Variants in BCL11B observed in about 807,000 individuals in gnomAD.
The protein encoded by BCL11B is BCL11 transcription factor B.
In BCL11B, 8 loss-of-function variants were observed where a neutral mutation model predicts 49.9. That is an observed-to-expected ratio of 0.16 (90% confidence interval 0.09 to 0.29). BCL11B has a LOEUF of 0.29. BCL11B is among the 10% of genes least tolerant of loss of function. The probability of loss-of-function intolerance (pLI) is 1.00; values close to 1 mark genes in which losing one functional copy is unlikely to be tolerated. For synonymous variants in BCL11B, 739 were observed against 637.4 expected (o/e 1.16, Z -2.40); for missense variants, 1,006 against 1,351.0 (o/e 0.74, Z 4.00).
At chr14:99,267,625 C>T (rs1267986649) in intron 1 of BCL11B, among the ~76,000 whole-genome samples, 1 of 150,694 alleles carries the variant, frequency 6.6e-6, no homozygotes, top group East Asian at 1.9e-4. Flanking sequence ...TTCTGAAAGA[C>T]ATGTGGACCA....
In BCL11B at chr14:99,241,968, GCTGTGTT is replaced by G. The variant is rs1888683035; in HGVS notation, c.428-10418_428-10412del. ...GCCAAGCGTAAACATGATTTATTTA[GCTGTGTT>G]TAACGTGTCTGTCCTCCACTCGACT... On this transcript the variant is annotated intron_variant, in intron 2 of 3. Transcript: ENST00000357195. This position sits in a 1 kb window ranked among gnomAD's most constrained non-coding sequence, Gnocchi z 4.4. Among the ~76,000 whole-genome samples the G allele has an allele frequency of 6.6e-6, 1 of 152,146 alleles. No homozygotes were observed. The highest frequency in any genetic ancestry group is 1.5e-5 in the Non-Finnish European group (1 of 68,032).
rs1195530918 is a variant in BCL11B, at chr14:99,175,983, C to A, written c.853G>T (p.Asp285Tyr). 6.6e-7 allele frequency: 1 copy of A among 1,508,018 alleles called. No homozygotes were observed. The allele number at this position is 1,508,018 out of a possible 1,614,324, so 93.4% of individuals were successfully genotyped here. A position where few individuals can be genotyped will look rare whatever the true frequency, so the allele number is the denominator to read the frequency against. ...CGCAGCAGGTTGAAGGGGTTGCTGT[C>A]GCCCAGGAAATTCATGAGCGGGGAC... The part of the protein sequence containing the change: ...AQSPLMNFLG[D>Y]SNPFNLLRMT... The change falls in exon 4 of 4, where the codon GAC (aspartate) becomes TAC (tyrosine). Residue 285 changes from aspartate to tyrosine, a missense_variant. By Grantham distance (160) the Asp-to-Tyr change is radical. Around this residue, in one of 6 missense-constraint regions of BCL11B, gnomAD observed 411 missense variants for 542.2 expected, o/e 0.76. Coordinates refer to ENST00000357195, the MANE Select transcript of BCL11B (RefSeq NM_138576.4).
Position 99,171,730 on chromosome 14 carries a change from A to G in BCL11B, c.*2421T>C. ...TACAAGTTTCTATACATTTTTTTTG[A>G]AATAAAAATTCAACACCCAAGGCAG... On this transcript the variant is annotated 3_prime_UTR_variant, in exon 4 of 4. Transcript: ENST00000357195. 2 of 210,232 alleles carry G rather than the reference A, an allele frequency of 9.5e-6. No individual in the cohort carries two copies. Among genetic ancestry groups the G allele is most frequent in the Non-Finnish European group, 1.9e-5 (2 of 103,368 alleles). The allele number at this position is 210,232 out of a possible 1,614,324, so 13.0% of individuals were successfully genotyped here.
chr14:99,268,755 C>A (rs1488188261), intron 1 of BCL11B, among the ~76,000 whole-genome samples: 2 of 152,202 alleles, frequency 1.3e-5, no homozygotes, highest in Non-Finnish European at 2.9e-5. Flanking sequence ...ATAGCCTGGG[C>A]TCCGTGTGCC....
rs572424536 is a variant in BCL11B at position 99,170,653 on chromosome 14, AC to A, written c.*3497del. ...GAGAGAGAACGAGATATGGAAAGGCACCAAATTCATCCCAGGCCCTCGCATT... is the reference window on the plus strand; with the variant it reads ...GAGAGAGAACGAGATATGGAAAGGCACAAATTCATCCCAGGCCCTCGCATT... On this transcript the variant is annotated 3_prime_UTR_variant, in exon 4 of 4. Coordinates refer to ENST00000357195, the MANE Select transcript of BCL11B (RefSeq NM_138576.4). 1.1e-4 allele frequency: 26 copies of A among 233,290 alleles called. No individual in the cohort carries two copies. The highest frequency in any genetic ancestry group is 1.6e-4 in the Non-Finnish European group (19 of 117,866). 14.5% of individuals were successfully genotyped at this position (233,290 alleles called of 1,614,324 possible). A position where few individuals can be genotyped will look rare whatever the true frequency, so the allele number is the denominator to read the frequency against.
chr14:99,176,649 T>C (rs1886543392), intron 3 of BCL11B, among the ~76,000 whole-genome samples: 1 of 152,186 alleles, frequency 6.6e-6, no homozygotes, highest in African/African-American at 2.4e-5. Context: ...GTCAAGGCAC[T>C]ACTGACATTT....
At chr14:99,198,568 C>T (rs1448847314) in intron 3 of BCL11B, among the ~76,000 whole-genome samples, 2 of 152,130 alleles carry the variant, frequency 1.3e-5, no homozygotes, top group African/African-American at 4.8e-5. Context: ...ACGTATGAGC[C>T]TATGCGTGTC....
rs1430511427 is a variant in BCL11B at position 99,172,953 on chromosome 14, C to G, written c.*1198G>C. The G allele has an allele frequency of 4.6e-6, 1 of 218,986 alleles. No individual in the cohort carries two copies. The highest frequency in any genetic ancestry group is 9.2e-6 in the Non-Finnish European group (1 of 108,982). 13.6% of individuals were successfully genotyped at this position (218,986 alleles called of 1,614,324 possible). The stretch of plus-strand genomic sequence containing the variant: ...GAAATTTGCAAGATCCCCACCCCAC[C>G]CATCCCTACAATATCATCAGTGTGC... On this transcript the variant is annotated 3_prime_UTR_variant, in exon 4 of 4. Coordinates refer to ENST00000357195, the MANE Select transcript of BCL11B (RefSeq NM_138576.4).
intron 1 of BCL11B, among the ~76,000 whole-genome samples, chr14:99,267,407 T>C (rs1889514681): frequency 6.6e-6 from 1 of 152,130 alleles, no homozygotes; most frequent in Admixed American, 6.5e-5. Context: ...AGGTGTGAAT[T>C]ACAAATGAAT....
intron 3 of BCL11B, among the ~76,000 whole-genome samples, chr14:99,190,315 C>T (rs376286402): frequency 1.6e-3 from 239 of 152,206 alleles, no homozygotes; most frequent in African/African-American, 4.9e-3. Flanking sequence ...AGTGAAACCC[C>T]GTCTCTACTA....
At chr14:99,207,378 C>G (rs1887562039) in intron 3 of BCL11B, among the ~76,000 whole-genome samples, 1 of 152,166 alleles carries the variant, frequency 6.6e-6, no homozygotes, top group Non-Finnish European at 1.5e-5. Flanking sequence ...GGCACCTCAT[C>G]CCTTCCTTTC....
intron 2 of BCL11B, among the ~76,000 whole-genome samples, chr14:99,236,258 T>A (rs1271736375): frequency 2.0e-5 from 3 of 152,120 alleles, no homozygotes; most frequent in African/African-American, 7.2e-5. Context: ...TAAAAATATT[T>A]TTTTCTGATC....
chr14:99,174,722 T>C lies in BCL11B; in HGVS notation c.2114A>G (p.Glu705Gly), dbSNP rs755998847. The C allele has an allele frequency of 6.4e-7, 1 of 1,556,928 alleles. No individual in the cohort carries two copies. Among genetic ancestry groups the C allele is most frequent in the East Asian group, 2.5e-5 (1 of 39,296 alleles). Residue 705 changes from glutamate to glycine, a missense_variant, in exon 4 of 4, where the codon GAG (glutamate) becomes GGG (glycine). Physicochemically the swap from Glu to Gly is moderately conservative, Grantham distance 98. This residue lies in a region of BCL11B where 443 missense variants were observed against 499.7 expected (regional missense o/e 0.89). Coordinates refer to ENST00000357195, the MANE Select transcript of BCL11B (RefSeq NM_138576.4). ...CACCAGCCACTGCGAGTACACGTTC[T>C]CGGACGGGATGAGCGCGGCGGGCGG... is the stretch of plus-strand genomic sequence containing the variant. Reference protein sequence around the residue: ...ELPPAALIPSENVYSQWLVGY... With the variant: ...ELPPAALIPSGNVYSQWLVGY...
chr14:99,217,689 C>T (rs1310626167), intron 3 of BCL11B, among the ~76,000 whole-genome samples: 2 of 152,176 alleles, frequency 1.3e-5, no homozygotes, highest in Admixed American at 6.5e-5. Context: ...CCAGGACACC[C>T]CAGGCTCCAG....
In BCL11B at chr14:99,192,376, G is replaced by A. The variant is rs1019583011; in HGVS notation, c.641-16181C>T. Among the ~76,000 whole-genome samples the A allele has an allele frequency of 3.3e-5, 5 of 152,190 alleles. No homozygotes were observed. The South Asian group carries it at 6.2e-4, about 19-fold the overall frequency. ...GCCCTTTAAATGGGGAACAGAGCAG[G>A]GCTTTCGGGGCCCCGCTCGCCACAA... On this transcript the variant is annotated intron_variant, in intron 3 of 3. Coordinates refer to ENST00000357195, the MANE Select transcript of BCL11B (RefSeq NM_138576.4). This position sits in a 1 kb window ranked among gnomAD's most constrained non-coding sequence, Gnocchi z 4.0.
At chr14:99,250,179 G>A (rs1888966530) in intron 2 of BCL11B, among the ~76,000 whole-genome samples, 1 of 151,752 alleles carries the variant, frequency 6.6e-6, no homozygotes, top group Admixed American at 6.6e-5. Context: ...GGGACTACAG[G>A]CACCCGCCAC....
intron 2 of BCL11B, among the ~76,000 whole-genome samples, chr14:99,252,731 C>T (rs1349281859): frequency 1.3e-5 from 2 of 152,242 alleles, no homozygotes; most frequent in South Asian, 2.1e-4. Flanking sequence ...AACTGACATT[C>T]AGGACTTGGA....
intron 3 of BCL11B, among the ~76,000 whole-genome samples, chr14:99,183,798 C>T (rs1307395023): frequency 6.6e-6 from 1 of 151,850 alleles, no homozygotes; most frequent in Non-Finnish European, 1.5e-5. Flanking sequence ...GGGAGGACAC[C>T]GCAACTCCAC....
chr14:99,216,121 G>A (rs970099703), intron 3 of BCL11B, among the ~76,000 whole-genome samples: 1 of 152,224 alleles, frequency 6.6e-6, no homozygotes, highest in Admixed American at 6.5e-5. Flanking sequence ...TGCTGCTTAA[G>A]GCCGCACAAT....
Sources: allele counts gnomAD v4.1 joint callset (sites outside exome capture counted in the v4.1 genomes callset), GRCh38; gene constraint gnomAD v4.1.1; regional missense constraint gnomAD v4.1.1; non-coding constraint Gnocchi (gnomAD v3.1); transcripts MANE v1.5; gene names NCBI Gene and HGNC (gene_info 2026-07-23, HGNC 2026-07-21).